The following COL8A1 variants were observed in gnomAD, a reference collection of about 807,000 sequenced individuals.
COL8A1 encodes collagen type VIII alpha 1 chain.
In COL8A1, 21 loss-of-function variants were observed where a neutral mutation model predicts 42.7. The observed-to-expected ratio is 0.49, with a 90% CI of 0.35 to 0.71. COL8A1 has a LOEUF of 0.71. Among genes scored for constraint, COL8A1 ranks in the 30% least tolerant of loss-of-function variants. COL8A1 has a pLI of 0.01. For synonymous variants in COL8A1, 367 were observed against 369.1 expected (o/e 0.99, Z 0.06); for missense variants, 788 against 962.4 (o/e 0.82, Z 2.40).
At chr3:99,775,459 T>C (rs972122330) in intron 2 of COL8A1, among the ~76,000 whole-genome samples, 2 of 152,202 alleles carry the variant, frequency 1.3e-5, no homozygotes, top group Admixed American at 1.3e-4. Flanking sequence ...GCGTAAACTG[T>C]AGCCAGTTTC....
chr3:99,665,673 CTTTTTTTTTT>C (rs67004417), intron 1 of COL8A1, among the ~76,000 whole-genome samples: 2 of 70,222 alleles, frequency 2.8e-5, no homozygotes, highest in African/African-American at 5.8e-5. Context: ...TGAATTAATT[CTTTTTTTTTT>C]TTTTTTTTTT....
intron 1 of COL8A1, among the ~76,000 whole-genome samples, chr3:99,653,916 C>T (rs2107292848): frequency 6.6e-6 from 1 of 152,170 alleles, no homozygotes; most frequent in East Asian, 1.9e-4. Context: ...GGATTACTGG[C>T]TCACATGATC....
At chr3:99,676,966 C>T (rs1345251242) in intron 1 of COL8A1, among the ~76,000 whole-genome samples, 2 of 151,876 alleles carry the variant, frequency 1.3e-5, no homozygotes, top group Admixed American at 1.3e-4. Context: ...ACCTGTAATG[C>T]CACCACTTTG....
rs1485267264 is a variant in COL8A1, at chr3:99,796,146, A to G, written c.*10A>G. 6.8e-7 allele frequency: 1 copy of G among 1,460,166 alleles called. No homozygotes were observed. Among genetic ancestry groups the G allele is most frequent in the Non-Finnish European group, 9.1e-7 (1 of 1,101,686 alleles). The allele number at this position is 1,460,166 out of a possible 1,614,324, so 90.5% of individuals were successfully genotyped here. On this transcript the variant is annotated 3_prime_UTR_variant, in exon 4 of 4. Transcript: ENST00000652472. Reference sequence around the variant, plus strand: ...ATTGTATCCCATGTAAAAACAAAAAAACAAAAAACAAAGAAAAGAAAGAGA... The same window carrying G: ...ATTGTATCCCATGTAAAAACAAAAAGACAAAAAACAAAGAAAAGAAAGAGA...
chr3:99,693,829 C>A (rs1034334184), intron 1 of COL8A1, among the ~76,000 whole-genome samples: 7 of 152,196 alleles, frequency 4.6e-5, no homozygotes, highest in African/African-American at 1.7e-4. Context: ...CATTCACTCA[C>A]CACTCACTCA....
intron 1 of COL8A1, among the ~76,000 whole-genome samples, chr3:99,671,121 G>A (rs529942456): frequency 8.6e-5 from 13 of 151,956 alleles, no homozygotes; most frequent in African/African-American, 2.7e-4. Context: ...TATGGAGCAT[G>A]AACTAATGGG....
At chr3:99,763,862 C>T (rs1225558752) in intron 2 of COL8A1, among the ~76,000 whole-genome samples, 1 of 152,126 alleles carries the variant, frequency 6.6e-6, no homozygotes, top group Non-Finnish European at 1.5e-5. Context: ...CCTAGAAAAA[C>T]TGTCTCTTTG....
chr3:99,776,471 T>A (rs1425401093), intron 2 of COL8A1, among the ~76,000 whole-genome samples: 4 of 152,154 alleles, frequency 2.6e-5, no homozygotes, highest in Non-Finnish European at 5.9e-5. Context: ...TAAAGTGGTG[T>A]GTGGTCATGA....
chr3:99,795,798 G>T lies in COL8A1; in HGVS notation c.1897G>T (p.Val633Leu), dbSNP rs769093108. ...ACCTTTCCCACCGGTGGGGGCCCCA[G>T]TGAAGTTTAACAAACTGCTGTATAA... ...TAPFPPVGAPVKFNKLLYNGR... is the reference protein window; with the variant it reads ...TAPFPPVGAPLKFNKLLYNGR... The change falls in exon 4 of 4, where the codon GTG becomes TTG. Residue 633 changes from valine (V) to leucine (L), a missense_variant. By Grantham distance (32) the Val-to-Leu change is conservative. Coordinates refer to ENST00000652472, the MANE Select transcript of COL8A1 (RefSeq NM_020351.4). 3 of 1,614,116 alleles carry T rather than the reference G, an allele frequency of 1.9e-6. No homozygotes were observed. The highest frequency in any genetic ancestry group is 2.5e-6 in the Non-Finnish European group (3 of 1,180,008).
intron 2 of COL8A1, among the ~76,000 whole-genome samples, chr3:99,749,847 A>C (rs1941103061): frequency 6.6e-6 from 1 of 152,088 alleles, no homozygotes; most frequent in Admixed American, 6.5e-5. Context: ...AACAAAAGGA[A>C]CCTAAATCAA....
In COL8A1 at chr3:99,651,471, C is replaced by T. The variant is rs1937845110; in HGVS notation, c.-129+12807C>T. The stretch of plus-strand genomic sequence containing the variant: ...ACAACCTGAAACACTGCGAAGAAGG[C>T]TAAGCTCTCCGCCAGCAGGTCAGCG... On this transcript the variant is annotated intron_variant, in intron 1 of 3. Transcript: ENST00000652472. Among the ~76,000 whole-genome samples the T allele has an allele frequency of 2.0e-5, 3 of 152,248 alleles. No homozygotes were observed. The South Asian group carries it at 6.2e-4, about 31-fold the overall frequency.
chr3:99,646,949 T>A (rs1420611434), intron 1 of COL8A1, among the ~76,000 whole-genome samples: 2 of 152,208 alleles, frequency 1.3e-5, no homozygotes, highest in South Asian at 2.1e-4. Flanking sequence ...GACTTTTGTA[T>A]AAAATCTCTG....
chr3:99,657,959 T>C (rs534680810), intron 1 of COL8A1, among the ~76,000 whole-genome samples: 64 of 152,086 alleles, frequency 4.2e-4, no homozygotes, highest in Admixed American at 2.0e-3. Flanking sequence ...AAACCACGTC[T>C]CTACTAAAAA....
intron 1 of COL8A1, among the ~76,000 whole-genome samples, chr3:99,660,807 A>G (rs375145342): frequency 6.6e-6 from 1 of 152,224 alleles, no homozygotes; most frequent in East Asian, 1.9e-4. Flanking sequence ...CTTTATGTAC[A>G]TGTTAAACTC....
chr3:99,729,067 C>T (rs911987402), intron 1 of COL8A1, among the ~76,000 whole-genome samples: 1 of 151,958 alleles, frequency 6.6e-6, no homozygotes, highest in East Asian at 1.9e-4. Context: ...ATTTCCTCAA[C>T]AAGAATGAGG....
chr3:99,722,296 C>T (rs1448355169), intron 1 of COL8A1, among the ~76,000 whole-genome samples: 3 of 152,048 alleles, frequency 2.0e-5, no homozygotes, highest in South Asian at 2.1e-4. Flanking sequence ...GGCATAAAAT[C>T]TCTTTAATAA....
chr3:99,744,085 C>A (rs951027044), intron 1 of COL8A1, among the ~76,000 whole-genome samples: 4 of 152,148 alleles, frequency 2.6e-5, no homozygotes, highest in African/African-American at 9.7e-5. Context: ...CCCGCCACCA[C>A]ACCTGGCTAA....
At chr3:99,655,241 T>C (rs1179913425) in intron 1 of COL8A1, among the ~76,000 whole-genome samples, 1 of 152,208 alleles carries the variant, frequency 6.6e-6, no homozygotes, top group East Asian at 1.9e-4. Context: ...ACTCAAGGAC[T>C]GTCAAGGATA....
chr3:99,778,050 C>T (rs1340298320), intron 2 of COL8A1, among the ~76,000 whole-genome samples: 1 of 152,160 alleles, frequency 6.6e-6, no homozygotes, highest in Non-Finnish European at 1.5e-5. Context: ...AACAGACTAT[C>T]ACAGAGAAAA....
Sources: allele counts gnomAD v4.1 joint callset (sites outside exome capture counted in the v4.1 genomes callset), GRCh38; gene constraint gnomAD v4.1.1; transcripts MANE v1.5; gene names NCBI Gene and HGNC (gene_info 2026-07-23, HGNC 2026-07-21).